The following FNBP1 variants were observed in gnomAD, a reference collection of about 807,000 sequenced individuals.
FNBP1 encodes the protein formin-binding protein 1.
FNBP1 carries 26 observed loss-of-function variants against 90.6 expected under a neutral mutation model. That is an observed-to-expected ratio of 0.29 (90% CI 0.21 to 0.40). FNBP1 has a LOEUF of 0.40. Among genes scored for constraint, FNBP1 ranks in the 10% least tolerant of loss-of-function variants. The pLI, the probability that FNBP1 is intolerant of heterozygous loss-of-function variation, is 1.00. For missense variants in FNBP1, 635 were observed against 768.0 expected, an observed-to-expected ratio of 0.83 and a Z score of 2.05; for synonymous variants, 260 against 265.2, an observed-to-expected ratio of 0.98 and a Z score of 0.19.
intron 4 of FNBP1, among the ~76,000 whole-genome samples, chr9:129,970,516 A>G (rs2049292338): frequency 6.6e-6 from 1 of 152,180 alleles, no homozygotes. Flanking sequence ...AATATTCTTA[A>G]ATGTTATACA....
intron 1 of FNBP1, among the ~76,000 whole-genome samples, chr9:130,011,252 A>G (rs2056555116): frequency 1.5e-5 from 1 of 65,708 alleles, no homozygotes; most frequent in East Asian, 7.0e-4. Flanking sequence ...AAATATATAT[A>G]TATATATATA....
At chr9:129,989,132 T>C (rs555176246) in intron 2 of FNBP1, among the ~76,000 whole-genome samples, 34 of 152,370 alleles carry the variant, frequency 2.2e-4, no homozygotes, top group Middle Eastern at 3.4e-3. Flanking sequence ...TGATGGGTTT[T>C]CCCTGACCAG....
Position 129,923,865 on chromosome 9 carries a change from G to A in FNBP1, c.1149C>T (p.Cys383=), listed in dbSNP as rs200480331. 2.4e-5 allele frequency: 39 copies of A among 1,600,686 alleles called. No homozygotes were observed. The East Asian group carries it at 8.8e-4, about 36-fold the overall frequency. The change falls in exon 10 of 17, where the codon TGC becomes TGT. Residue 383 remains cysteine, a synonymous_variant. Transcript: ENST00000446176. Reference sequence around the variant, plus strand: ...TTACCCCACGCTTTAGGCTCCTGAAGCAGTGGATTTTGGGTTTGGAGGTCA... The same window carrying A: ...TTACCCCACGCTTTAGGCTCCTGAAACAGTGGATTTTGGGTTTGGAGGTCA... ...EFMTSKPKIH[C]FRSLKRGLSL...
chr9:130,023,596 T>C (rs1332915170), intron 1 of FNBP1, among the ~76,000 whole-genome samples: 1 of 152,168 alleles, frequency 6.6e-6, no homozygotes, highest in Non-Finnish European at 1.5e-5. Context: ...ACCAGCAACA[T>C]AAAAGGATTG....
intron 2 of FNBP1, among the ~76,000 whole-genome samples, chr9:129,984,873 C>G (rs2051905636): frequency 6.6e-6 from 1 of 152,074 alleles, no homozygotes. Flanking sequence ...CTTTCACCCC[C>G]AGCCATGATT....
chr9:129,979,099 GT>G (rs1274494739), intron 3 of FNBP1, among the ~76,000 whole-genome samples: 3 of 152,138 alleles, frequency 2.0e-5, no homozygotes, highest in Non-Finnish European at 4.4e-5. Context: ...ACATTCTAAA[GT>G]TTTCCTAATT....
chr9:129,988,074 A>T (rs2052567416), intron 2 of FNBP1, among the ~76,000 whole-genome samples: 1 of 151,978 alleles, frequency 6.6e-6, no homozygotes, highest in Non-Finnish European at 1.5e-5. Flanking sequence ...GCAATTTAAG[A>T]CCTAGATGTA....
intron 6 of FNBP1, among the ~76,000 whole-genome samples, chr9:129,953,413 C>T (rs530082676): frequency 6.6e-6 from 1 of 152,112 alleles, no homozygotes; most frequent in South Asian, 2.1e-4. Flanking sequence ...CTGCTTGAAC[C>T]CGGGAGGCAG....
At chr9:129,924,917 T>C in intron 9 of FNBP1, 43 bp downstream of exon 9, 1 of 1,510,244 alleles carries the variant, frequency 6.6e-7, no homozygotes, top group Non-Finnish European at 9.0e-7. Flanking sequence ...CAAGTCAAAA[T>C]CTCCACACCT....
chr9:130,005,376 C>T (rs2055528028), intron 1 of FNBP1, among the ~76,000 whole-genome samples: 1 of 137,294 alleles, frequency 7.3e-6, no homozygotes, highest in South Asian at 2.3e-4. Flanking sequence ...GAGTCTCGCT[C>T]TGTTGCACAG....
chr9:130,033,279 C>A (rs115046962), intron 1 of FNBP1, among the ~76,000 whole-genome samples: 1 of 152,082 alleles, frequency 6.6e-6, no homozygotes, highest in South Asian at 2.1e-4. Context: ...AGGACTTGCC[C>A]GATACTAATA....
At chr9:130,039,269 G>A (rs1403730868) in intron 1 of FNBP1, among the ~76,000 whole-genome samples, 1 of 152,168 alleles carries the variant, frequency 6.6e-6, no homozygotes, top group Non-Finnish European at 1.5e-5. Flanking sequence ...GGTGTCTTGT[G>A]CACACCATAG....
intron 6 of FNBP1, among the ~76,000 whole-genome samples, chr9:129,948,264 G>T (rs1037637893): frequency 2.6e-5 from 4 of 151,328 alleles, no homozygotes; most frequent in Admixed American, 2.6e-4. Flanking sequence ...CAAAGGGAGA[G>T]ACCCTGTCTC....
At chr9:130,025,016 C>T (rs765161187) in intron 1 of FNBP1, among the ~76,000 whole-genome samples, 121 of 152,112 alleles carry the variant, frequency 8.0e-4, no homozygotes, top group Non-Finnish European at 1.5e-3. Context: ...CCTGTCTCTA[C>T]TAAAAATACA....
chr9:129,904,080 C>T (rs746782000), intron 12 of FNBP1, among the ~76,000 whole-genome samples: 44 of 152,272 alleles, frequency 2.9e-4, no homozygotes, highest in Non-Finnish European at 6.0e-4. Flanking sequence ...AATATTTCCA[C>T]GTGTGCATTC....
chr9:129,889,081 C>CGAGG lies in FNBP1; in HGVS notation c.*1457_*1458insCCTC, dbSNP rs2034905248. The stretch of plus-strand genomic sequence containing the variant: ...GGGGCTGCTCTGCTCTAAGGCGTGG[C>CGAGG]GGGGGGGGGGGGTGGTGGCCACAGA... On this transcript the variant is annotated 3_prime_UTR_variant, in exon 17 of 17. Transcript: ENST00000446176. 2.5e-5 allele frequency: 1 copy of CGAGG among 39,854 alleles called. No individual in the cohort carries two copies. Among genetic ancestry groups the CGAGG allele is most frequent in the Non-Finnish European group, 8.1e-5 (1 of 12,284 alleles). The allele number at this position is 39,854 out of a possible 1,614,324, so 2.5% of individuals were successfully genotyped here.
chr9:129,919,189 G>T, intron 10 of FNBP1: 1 of 1,303,044 alleles, frequency 7.7e-7, no homozygotes, highest in South Asian at 1.2e-5. Context: ...AGGCATACGT[G>T]GGTTTCCCTA....
In FNBP1 at chr9:129,916,475, G is replaced by A. The variant is rs149574112; in HGVS notation, c.1171-495C>T. On this transcript the variant is annotated intron_variant, in intron 10 of 16. Coordinates refer to ENST00000446176, the MANE Select transcript of FNBP1 (RefSeq NM_015033.3). The stretch of plus-strand genomic sequence containing the variant: ...TCTACTAAAAATACAGTATTAGCCG[G>A]GTGTGGTGGTGCACACCTGTAATCC... 1.4e-3 allele frequency among the ~76,000 whole-genome samples: 216 copies of A among 152,032 alleles called. 1 individual carries two copies. The highest frequency in any genetic ancestry group is 4.1e-3 in the African/African-American group (169 of 41,470).
the FNBP1 span, among the ~76,000 whole-genome samples, chr9:130,048,724 C>A: frequency 6.7e-6 from 1 of 150,074 alleles, no homozygotes; most frequent in African/African-American, 2.5e-5. Context: ...GTGATCCACC[C>A]GCCTCGTCCT....
Sources: allele counts gnomAD v4.1 joint callset (sites outside exome capture counted in the v4.1 genomes callset), GRCh38; gene constraint gnomAD v4.1.1; transcripts MANE v1.5; gene names NCBI Gene and HGNC (gene_info 2026-07-23, HGNC 2026-07-21).